The following GAB2 variants were observed in gnomAD, a reference collection of about 807,000 sequenced individuals.
GAB2 encodes GRB2-associated-binding protein 2.
Under a neutral mutation model 65.5 loss-of-function variants are expected in GAB2, and 26 were observed. The observed-to-expected ratio is 0.40, with a 90% CI of 0.29 to 0.55. The LOEUF (loss-of-function observed/expected upper bound fraction) is 0.55. Ranked by LOEUF, GAB2 falls within the 20% of genes least tolerant of loss-of-function variation. GAB2 has a pLI of 0.53. For missense variants in GAB2, 884 were observed against 875.8 expected (o/e 1.01, Z -0.12); for synonymous variants, 321 against 329.6 (o/e 0.97, Z 0.28).
chr11:78,307,604 T>G (rs376093690), intron 1 of GAB2, among the ~76,000 whole-genome samples: 56 of 121,914 alleles, frequency 4.6e-4, no homozygotes, highest in South Asian at 8.1e-4. Flanking sequence ...CAAAAAATGT[T>G]AGAGAGAGAG....
At chr11:78,329,461 C>T (rs1855879608) in intron 1 of GAB2, among the ~76,000 whole-genome samples, 1 of 152,060 alleles carries the variant, frequency 6.6e-6, no homozygotes, top group Non-Finnish European at 1.5e-5. Flanking sequence ...TCTCTGTATC[C>T]CCCTACTAGA....
At chr11:78,324,330 T>C (rs906317642) in intron 1 of GAB2, among the ~76,000 whole-genome samples, 2 of 152,180 alleles carry the variant, frequency 1.3e-5, no homozygotes, top group African/African-American at 2.4e-5. Flanking sequence ...TATTTACTTA[T>C]GATGCTGTGA....
chr11:78,219,782 A>G (rs1412732486), intron 9 of GAB2, among the ~76,000 whole-genome samples: 1 of 152,138 alleles, frequency 6.6e-6, no homozygotes, highest in Non-Finnish European at 1.5e-5. Context: ...GCAAACAAAC[A>G]TCAGCCACAG....
rs114871925 is a variant in GAB2 at position 78,344,284 on chromosome 11, G to A, written c.76-63383C>T. On this transcript the variant is annotated intron_variant, in intron 1 of 9. Coordinates refer to ENST00000361507, the MANE Select transcript of GAB2 (RefSeq NM_080491.3). ...GAAAGTCATTTTCCTATAACAAACA[G>A]TATGATTAAGAAGCTAAGTGATCTT... Among the ~76,000 whole-genome samples, 557 of 152,304 alleles carry A rather than the reference G, an allele frequency of 3.7e-3. 5 individuals are homozygous for A. Among genetic ancestry groups the A allele is most frequent in the African/African-American group, 0.012 (503 of 41,550 alleles).
intron 2 of GAB2, among the ~76,000 whole-genome samples, chr11:78,278,649 G>C (rs1224013294): frequency 6.6e-6 from 1 of 152,054 alleles, no homozygotes; most frequent in Non-Finnish European, 1.5e-5. Context: ...AAAGTGCTGG[G>C]ATTACAGGCG....
intron 1 of GAB2, among the ~76,000 whole-genome samples, chr11:78,334,813 G>A (rs987685782): frequency 1.8e-4 from 27 of 152,216 alleles, no homozygotes; most frequent in Admixed American, 1.2e-3. Flanking sequence ...ATTTTTTGAG[G>A]AGCCTCCAAA....
At chr11:78,272,611 CAA>C in intron 2 of GAB2, among the ~76,000 whole-genome samples, 1 of 151,994 alleles carries the variant, frequency 6.6e-6, no homozygotes. Flanking sequence ...GGAAGCAGAA[CAA>C]AAAAGTTTGG....
chr11:78,294,666 T>C (rs567202120), intron 1 of GAB2, among the ~76,000 whole-genome samples: 29 of 152,306 alleles, frequency 1.9e-4, no homozygotes, highest in African/African-American at 3.6e-4. Flanking sequence ...TAAATGGTGC[T>C]GGGGAAACTG....
intron 5 of GAB2, 145 bp downstream of exon 5, chr11:78,224,963 G>T: frequency 1.6e-6 from 1 of 610,102 alleles, no homozygotes; most frequent in East Asian, 2.7e-5. Flanking sequence ...ACTCAACGCA[G>T]GGTTCTGAAC....
intron 1 of GAB2, among the ~76,000 whole-genome samples, chr11:78,405,977 C>T (rs527971568): frequency 6.6e-6 from 1 of 152,194 alleles, no homozygotes; most frequent in Non-Finnish European, 1.5e-5. Context: ...TGGTCCAACC[C>T]TCACCCACAG....
At chr11:78,376,345 C>G (rs1856630806) in intron 1 of GAB2, among the ~76,000 whole-genome samples, 1 of 152,174 alleles carries the variant, frequency 6.6e-6, no homozygotes. Context: ...TGAGACAGTA[C>G]TTGCTGTGTA....
At chr11:78,220,181 TGCATCATAAAA>T in intron 9 of GAB2, 127 bp downstream of exon 9, 1 of 811,598 alleles carries the variant, frequency 1.2e-6, no homozygotes, top group African/African-American at 1.7e-5. Flanking sequence ...TGACTAAAGA[TGCATCATAAAA>T]GCTGGGTACT....
chr11:78,255,869 G>A (rs981962378), intron 2 of GAB2, among the ~76,000 whole-genome samples: 9 of 152,186 alleles, frequency 5.9e-5, no homozygotes, highest in Admixed American at 2.6e-4. Flanking sequence ...GAACAAAAGC[G>A]ACATGGTGTG....
intron 2 of GAB2, among the ~76,000 whole-genome samples, chr11:78,279,062 G>A (rs1866256850): frequency 6.6e-6 from 1 of 151,986 alleles, no homozygotes; most frequent in Non-Finnish European, 1.5e-5. Flanking sequence ...CAACCTCCAT[G>A]AAACCTATAA....
At chr11:78,293,113 T>C (rs1866724210) in intron 1 of GAB2, among the ~76,000 whole-genome samples, 1 of 152,226 alleles carries the variant, frequency 6.6e-6, no homozygotes, top group Non-Finnish European at 1.5e-5. Flanking sequence ...AACTAGAATC[T>C]AGGCCTCAGC....
intron 1 of GAB2, among the ~76,000 whole-genome samples, chr11:78,360,665 C>T (rs1856422650): frequency 6.6e-6 from 1 of 152,096 alleles, no homozygotes; most frequent in South Asian, 2.1e-4. Flanking sequence ...TGAGACCAGC[C>T]TGGCCAACAT....
chr11:78,273,250 C>T (rs1454990733), intron 2 of GAB2, among the ~76,000 whole-genome samples: 2 of 152,236 alleles, frequency 1.3e-5, no homozygotes, highest in Non-Finnish European at 2.9e-5. Context: ...TGACAGCTTG[C>T]ACTGTGTGCC....
intron 3 of GAB2, among the ~76,000 whole-genome samples, chr11:78,243,124 C>T (rs1048420974): frequency 6.7e-5 from 10 of 148,322 alleles, no homozygotes; most frequent in South Asian, 2.1e-4. Flanking sequence ...ATCACACCAC[C>T]GTACTCTCCA....
chr11:78,251,681 C>T (rs948828402), intron 2 of GAB2, among the ~76,000 whole-genome samples: 1 of 152,224 alleles, frequency 6.6e-6, no homozygotes, highest in African/African-American at 2.4e-5. Context: ...CTGGCAAGCT[C>T]ATATGCAGAC....
Sources: gnomAD v4.1 joint callset for allele counts (sites outside exome capture counted in the v4.1 genomes callset) on GRCh38, gnomAD v4.1.1 for gene constraint, MANE v1.5 for transcripts, NCBI Gene and HGNC (gene_info 2026-07-23, HGNC 2026-07-21) for gene names.